NRG1: variants seen among roughly 807,000 people sequenced by gnomAD.
The protein encoded by NRG1 is pro-neuregulin-1, membrane-bound isoform.
A neutral mutation model predicts 63.8 loss-of-function variants in NRG1; 18 were observed. The ratio of observed to expected loss-of-function variants is 0.28; its 90% CI spans 0.19 to 0.42. The LOEUF is 0.42. Ranked by LOEUF, NRG1 falls within the 10% of genes least tolerant of loss-of-function variation. The pLI is 1.00. For missense variants in NRG1, 762 were observed against 814.7 expected (o/e 0.94, Z 0.79); for synonymous variants, 302 against 301.3 (o/e 1.00, Z -0.02).
At chr8:32,116,136 TA>T (rs1187502782) in intron 1 of NRG1, among the ~76,000 whole-genome samples, 5 of 151,850 alleles carry the variant, frequency 3.3e-5, no homozygotes, top group East Asian at 2.0e-4. Flanking sequence ...CCAATGGGGA[TA>T]TTTTTTTATT....
intron 1 of NRG1, among the ~76,000 whole-genome samples, chr8:32,165,531 C>A (rs1839309861): frequency 6.6e-6 from 1 of 152,088 alleles, no homozygotes; most frequent in Non-Finnish European, 1.5e-5. Context: ...TTAGCCAATT[C>A]ATAGCAAAAG....
At chr8:31,647,411 G>A (rs538904920) in intron 1 of NRG1, among the ~76,000 whole-genome samples, 11 of 152,118 alleles carry the variant, frequency 7.2e-5, no homozygotes, top group Admixed American at 3.9e-4. Flanking sequence ...TTCCTCAGTC[G>A]GCCCTGGAGG....
intron 1 of NRG1, among the ~76,000 whole-genome samples, chr8:31,996,949 T>A (rs1812083781): frequency 6.6e-6 from 1 of 151,902 alleles, no homozygotes. Flanking sequence ...TCAAAAGAGT[T>A]CTTCTCTTTA....
At chr8:32,552,179 G>T (rs1834269333) in intron 1 of NRG1, among the ~76,000 whole-genome samples, 1 of 149,286 alleles carries the variant, frequency 6.7e-6, no homozygotes, top group Non-Finnish European at 1.5e-5. Context: ...AAAGTGCTGG[G>T]ATTACGGGCA....
Position 31,849,150 on chromosome 8 carries a change from T to C in NRG1, c.37+209719T>C, listed in dbSNP as rs144634681. ...GCCCATTTCATGGCAGACATGCTGC[T>C]GTGTGCTTTCCATGCATTATATCAT... On this transcript the variant is annotated intron_variant, in intron 1 of 10. Transcript: ENST00000519301. 1.5e-4 allele frequency among the ~76,000 whole-genome samples: 23 copies of C among 152,306 alleles called. 1 individual carries two copies. Among genetic ancestry groups the C allele is most frequent in the African/African-American group, 5.5e-4 (23 of 41,578 alleles).
chr8:32,308,652 C>A (rs1432834666), intron 1 of NRG1, among the ~76,000 whole-genome samples: 3 of 152,184 alleles, frequency 2.0e-5, no homozygotes, highest in Admixed American at 6.5e-5. Flanking sequence ...GTGTGCTGGA[C>A]TCTTGCTTAT....
chr8:32,747,595 T>C (rs1303799063), intron 7 of NRG1, among the ~76,000 whole-genome samples: 1 of 151,958 alleles, frequency 6.6e-6, no homozygotes, highest in African/African-American at 2.4e-5. Flanking sequence ...TAGCTTTTAA[T>C]TTATGAAAAA....
At chr8:32,525,094 T>C (rs1380628418) in intron 1 of NRG1, among the ~76,000 whole-genome samples, 4 of 152,200 alleles carry the variant, frequency 2.6e-5, no homozygotes, top group Non-Finnish European at 5.9e-5. Context: ...TGTGTATGTA[T>C]CACAACAGAG....
chr8:32,561,717 T>C (rs1253988371), intron 1 of NRG1, among the ~76,000 whole-genome samples: 5 of 152,180 alleles, frequency 3.3e-5, no homozygotes, highest in African/African-American at 1.2e-4. Context: ...AGTGACAGTT[T>C]ATCACTAACA....
intron 1 of NRG1, among the ~76,000 whole-genome samples, chr8:31,641,334 GT>G (rs34431458): frequency 4.9e-4 from 72 of 148,412 alleles, no homozygotes; most frequent in African/African-American, 9.4e-4. Flanking sequence ...ATTGGTGGGG[GT>G]TTTTTTTTTT....
intron 1 of NRG1, among the ~76,000 whole-genome samples, chr8:32,580,411 A>C (rs7826814): frequency 0.26 from 39,000 of 152,072 alleles, 5,130 homozygotes; most frequent in South Asian, 0.33. Flanking sequence ...GCTTCATAAA[A>C]TGCTAAAATT....
chr8:31,973,877 C>A (rs541889622), intron 1 of NRG1, among the ~76,000 whole-genome samples: 6 of 152,212 alleles, frequency 3.9e-5, no homozygotes, highest in African/African-American at 7.2e-5. Context: ...AAAGAGAGAA[C>A]TTAGTATTGA....
chr8:32,092,969 G>A (rs1331034732), intron 1 of NRG1, among the ~76,000 whole-genome samples: 1 of 152,146 alleles, frequency 6.6e-6, no homozygotes, highest in Non-Finnish European at 1.5e-5. Flanking sequence ...ACTGGGATAC[G>A]TATCTTGGCC....
chr8:32,331,146 T>C (rs74590637), intron 1 of NRG1, among the ~76,000 whole-genome samples: 3,240 of 152,150 alleles, frequency 0.021, 108 homozygotes, highest in African/African-American at 0.073. Flanking sequence ...CATGAGTTAA[T>C]TTCTCTCTCC....
At chr8:31,727,988 C>T (rs934273629) in intron 1 of NRG1, among the ~76,000 whole-genome samples, 2 of 152,150 alleles carry the variant, frequency 1.3e-5, no homozygotes, top group African/African-American at 4.8e-5. Flanking sequence ...GGATGATTCA[C>T]GTCCCGGGTA....
chr8:32,655,149 A>G, intron 5 of NRG1, among the ~76,000 whole-genome samples: 1 of 152,236 alleles, frequency 6.6e-6, no homozygotes, highest in South Asian at 2.1e-4. Context: ...TTCTATTTTA[A>G]CTCCCTGCCT....
intron 1 of NRG1, among the ~76,000 whole-genome samples, chr8:32,253,704 A>C (rs1264812727): frequency 6.6e-6 from 1 of 152,212 alleles, no homozygotes; most frequent in African/African-American, 2.4e-5. Flanking sequence ...TGCTGGCATC[A>C]TAAAATGAGT....
At chr8:32,079,721 T>TC (rs1563762199) in intron 1 of NRG1, among the ~76,000 whole-genome samples, 1 of 152,198 alleles carries the variant, frequency 6.6e-6, no homozygotes, top group Non-Finnish European at 1.5e-5. Context: ...AATTTTTTTT[T>TC]CCTTCAATTG....
intron 1 of NRG1, among the ~76,000 whole-genome samples, chr8:32,176,140 A>T (rs1052506347): frequency 6.6e-5 from 10 of 152,194 alleles, no homozygotes; most frequent in Non-Finnish European, 1.3e-4. Context: ...ATATAGACCA[A>T]TGGAACAGAA....
Sources: allele counts gnomAD v4.1 joint callset (sites outside exome capture counted in the v4.1 genomes callset), GRCh38; gene constraint gnomAD v4.1.1; transcripts MANE v1.5; gene names NCBI Gene and HGNC (gene_info 2026-07-23, HGNC 2026-07-21).